IL10RB: variants seen among roughly 807,000 people sequenced by gnomAD.
The protein encoded by IL10RB is interleukin 10 receptor subunit beta.
Under a neutral mutation model 38.7 loss-of-function variants are expected in IL10RB, and 30 were observed. That is an observed-to-expected ratio of 0.78 (90% CI 0.58 to 1.05). IL10RB has a LOEUF of 1.05. IL10RB is among the 50% of genes least tolerant of loss of function. The pLI is 0.00. For synonymous variants in IL10RB, 142 were observed against 145.9 expected (o/e 0.97, Z 0.19); for missense variants, 328 against 397.1 (o/e 0.83, Z 1.48).
At chr21:33,270,155 G>A (rs1484791862) in intron 2 of IL10RB, among the ~76,000 whole-genome samples, 1 of 152,182 alleles carries the variant, frequency 6.6e-6, no homozygotes, top group Non-Finnish European at 1.5e-5. Context: ...GTCCAGTACT[G>A]TCAGCTGTCC....
chr21:33,302,467 C>T (rs1481593002), intron 1 of IL10RB, among the ~76,000 whole-genome samples: 6 of 152,264 alleles, frequency 3.9e-5, no homozygotes, highest in Non-Finnish European at 7.3e-5. Context: ...ATCCTACTTT[C>T]CTCACTCCTT....
Position 33,279,734 on chromosome 21 carries a change from GC to G in IL10RB, c.332-17del, listed in dbSNP as rs773123111. ...AAATGTGATTTTTGATTGTCATTTT[GC>G]TTGTTCTTCTGCTTAGCCATTATTG... On this transcript the variant is annotated splice_polypyrimidine_tract_variant and intron_variant, in intron 3 of 6. Transcript: ENST00000290200. The G allele has an allele frequency of 6.2e-7, 1 of 1,610,434 alleles. No individual in the cohort carries two copies. Among genetic ancestry groups the G allele is most frequent in the South Asian group, 1.1e-5 (1 of 90,988 alleles).
At chr21:33,285,459 C>T (rs544199278) in intron 5 of IL10RB, among the ~76,000 whole-genome samples, 53 of 152,234 alleles carry the variant, frequency 3.5e-4, no homozygotes, top group African/African-American at 1.3e-3. Flanking sequence ...GAACTTTACA[C>T]GGAGGATGTA....
chr21:33,266,686 C>A (rs936565896), intron 1 of IL10RB, among the ~76,000 whole-genome samples, 172 bp downstream of exon 1: 3 of 152,194 alleles, frequency 2.0e-5, no homozygotes, highest in African/African-American at 7.2e-5. Flanking sequence ...CTGCTGCTGC[C>A]GTCGATTCTG....
At chr21:33,290,936 T>G (rs1397429488) in intron 6 of IL10RB, among the ~76,000 whole-genome samples, 19 of 152,242 alleles carry the variant, frequency 1.2e-4, no homozygotes, top group African/African-American at 4.6e-4. Context: ...AGGCCAGACG[T>G]CCAAAATCAA....
At chr21:33,283,264 G>T in intron 5 of IL10RB, 23 bp downstream of exon 5, 1 of 1,611,736 alleles carries the variant, frequency 6.2e-7, no homozygotes, top group South Asian at 1.1e-5. Context: ...ATGCACCTCC[G>T]CTAAGCATCC....
intron 4 of IL10RB, among the ~76,000 whole-genome samples, chr21:33,281,595 T>C (rs973653314): frequency 1.1e-4 from 17 of 152,206 alleles, no homozygotes; most frequent in African/African-American, 2.4e-4. Context: ...TGGGGGTTTT[T>C]TTGAGGCAGA....
intron 1 of IL10RB, among the ~76,000 whole-genome samples, 175 bp downstream of exon 1, chr21:33,266,689 C>G (rs1054207886): frequency 6.6e-6 from 1 of 152,198 alleles, no homozygotes; most frequent in African/African-American, 2.4e-5. Context: ...CTGCTGCCGT[C>G]GATTCTGTAA....
chr21:33,281,641 G>A (rs138775658), intron 4 of IL10RB, among the ~76,000 whole-genome samples: 33 of 152,208 alleles, frequency 2.2e-4, no homozygotes, highest in East Asian at 5.8e-4. Context: ...GGAAAGCAGC[G>A]GTGCGATCTC....
intron 1 of IL10RB, chr21:33,308,887 G>T (rs777518713): frequency 4.6e-5 from 7 of 152,200 alleles, no homozygotes; most frequent in Non-Finnish European, 7.3e-5. Flanking sequence ...ACTAAAGTTG[G>T]CAAACCATTG....
chr21:33,279,864 G>A lies in IL10RB; in HGVS notation c.444G>A (p.Val148=), dbSNP rs1484488997. The change falls in exon 4 of 7, where the codon GTG becomes GTA. Residue 148 remains valine (V), a synonymous_variant. Transcript: ENST00000290200. ...ACGAAACTTGGACTATGAAGAATGT[G>A]TATAACTCATGGACTTATAATGTGC... The part of the protein sequence containing the change: ...NEYETWTMKN[V]YNSWTYNVQY... The A allele has an allele frequency of 3.1e-6, 5 of 1,613,498 alleles. No homozygotes were observed. Among genetic ancestry groups the A allele is most frequent in the Non-Finnish European group, 8.5e-7 (1 of 1,179,388 alleles).
At chr21:33,284,406 A>T (rs1180861633) in intron 5 of IL10RB, among the ~76,000 whole-genome samples, 1 of 152,218 alleles carries the variant, frequency 6.6e-6, no homozygotes, top group Non-Finnish European at 1.5e-5. Context: ...GGTATGAGCC[A>T]TTGAAAACCT....
rs570650712 is a variant in IL10RB at position 33,287,462 on chromosome 21, G to A, written c.647-642G>A. 3.9e-5 allele frequency among the ~76,000 whole-genome samples: 6 copies of A among 152,110 alleles called. No individual in the cohort carries two copies. The South Asian group carries it at 1.0e-3, about 26-fold the overall frequency. On this transcript the variant is annotated intron_variant, in intron 5 of 6. Coordinates refer to ENST00000290200, the MANE Select transcript of IL10RB (RefSeq NM_000628.5). ...CAGCCTCGACCTCCCAGGCTCAAGC[G>A]ACCCTCCCACCTCAGCCTTTCAAAT...
intron 6 of IL10RB, 44 bp from the exon 7 acceptor site, chr21:33,296,140 A>G (rs1308903730): frequency 6.6e-7 from 1 of 1,510,494 alleles, no homozygotes; most frequent in Admixed American, 1.7e-5. Context: ...CCAGAAAAAG[A>G]AATGGAGAAA....
At chr21:33,291,438 G>T (rs765606673) in intron 6 of IL10RB, among the ~76,000 whole-genome samples, 5 of 152,020 alleles carry the variant, frequency 3.3e-5, no homozygotes, top group Non-Finnish European at 1.5e-5. Context: ...GCTAATTTTT[G>T]TGTTTTTAGT....
rs45565831 is a variant in IL10RB at position 33,266,443 on chromosome 21, C to T, written c.-23C>T. On this transcript the variant is annotated 5_prime_UTR_variant, in exon 1 of 7. Transcript: ENST00000290200. ...CGGGGGTCGTGTGCTTGGAGGAAGCCGCGGAACCCCCAGCGTCCGTCCATG... is the reference window on the plus strand; with the variant it reads ...CGGGGGTCGTGTGCTTGGAGGAAGCTGCGGAACCCCCAGCGTCCGTCCATG... 1.2e-4 allele frequency: 187 copies of T among 1,540,340 alleles called. 1 individual carries two copies. The African/African-American group carries it at 2.0e-3, about 17-fold the overall frequency.
At chr21:33,276,143 G>A (rs529025987) in intron 2 of IL10RB, among the ~76,000 whole-genome samples, 1 of 152,184 alleles carries the variant, frequency 6.6e-6, no homozygotes, top group South Asian at 2.1e-4. Flanking sequence ...ATAAAATGAG[G>A]TATGTCTACA....
At chr21:33,280,095 G>C (rs1601831698) in intron 4 of IL10RB, among the ~76,000 whole-genome samples, 177 bp downstream of exon 4, 1 of 152,062 alleles carries the variant, frequency 6.6e-6, no homozygotes, top group Non-Finnish European at 1.5e-5. Context: ...GTGTAGAGCA[G>C]ACTTTCAGGA....
chr21:33,302,811 G>A (rs1289731845), intron 1 of IL10RB, among the ~76,000 whole-genome samples: 1 of 152,196 alleles, frequency 6.6e-6, no homozygotes, highest in East Asian at 1.9e-4. Context: ...GTCGCCTGAG[G>A]CCTGTAGACA....
Sources: allele counts gnomAD v4.1 joint callset (sites outside exome capture counted in the v4.1 genomes callset), GRCh38; gene constraint gnomAD v4.1.1; transcripts MANE v1.5; gene names NCBI Gene and HGNC (gene_info 2026-07-23, HGNC 2026-07-21).